GPC5: variants seen among roughly 807,000 people sequenced by gnomAD.
GPC5 encodes the protein glypican-5.
A neutral mutation model predicts 53.9 loss-of-function variants in GPC5; 47 were observed. That is an observed-to-expected ratio of 0.87 (90% CI 0.69 to 1.11). The LOEUF (loss-of-function observed/expected upper bound fraction) is 1.11, where lower values mean the gene tolerates loss of function less well. GPC5 is among the 50% of genes most tolerant of loss of function. The pLI is 0.00. For synonymous variants in GPC5, 286 were observed against 263.3 expected, an observed-to-expected ratio of 1.09 and a Z score of -0.84; for missense variants, 748 against 713.1, an observed-to-expected ratio of 1.05 and a Z score of -0.56.
Position 91,840,538 on chromosome 13 carries a change from C to T in GPC5, c.1281-67399C>T, listed in dbSNP as rs79742668. On this transcript the variant is annotated intron_variant, in intron 5 of 7. Coordinates refer to ENST00000377067, the MANE Select transcript of GPC5 (RefSeq NM_004466.6). ...AAAACCTTCTGAGAATAAAACAGGCCGATTGATTACACAAACAAAATATGA... is the reference window on the plus strand; with the variant it reads ...AAAACCTTCTGAGAATAAAACAGGCTGATTGATTACACAAACAAAATATGA... 7.0e-4 allele frequency among the ~76,000 whole-genome samples: 106 copies of T among 151,786 alleles called. 1 individual carries two copies. The East Asian group carries it at 0.019, about 28-fold the overall frequency.
intron 7 of GPC5, among the ~76,000 whole-genome samples, chr13:92,356,005 T>A (rs926085780): frequency 1.3e-5 from 2 of 151,644 alleles, no homozygotes; most frequent in African/African-American, 2.4e-5. Context: ...CTCTTTCCCA[T>A]CATCATTTCT....
intron 1 of GPC5, among the ~76,000 whole-genome samples, chr13:91,410,436 G>GCCAGGTT (rs1877646927): frequency 2.1e-5 from 3 of 141,488 alleles, no homozygotes; most frequent in South Asian, 4.6e-4. Context: ...AGCTCCGCCT[G>GCCAGGTT]CCAGGTTCGT....
intron 7 of GPC5, among the ~76,000 whole-genome samples, chr13:92,184,180 T>C (rs575351843): frequency 1.3e-5 from 2 of 152,116 alleles, no homozygotes; most frequent in Admixed American, 6.5e-5. Context: ...GCTTCCAGTA[T>C]GAGATACCAT....
Position 92,072,786 on chromosome 13 carries a change from G to C in GPC5, c.1402-72044G>C, listed in dbSNP as rs146655253. ...GGTGGGGTTTATGTTGGCCAGGCTG[G>C]TCTTGAATTCCTGCCCTGAAGCGAT... On this transcript the variant is annotated intron_variant, in intron 6 of 7. Transcript: ENST00000377067. 8.7e-3 allele frequency among the ~76,000 whole-genome samples: 1,314 copies of C among 151,578 alleles called. 24 individuals are homozygous for C. The highest frequency in any genetic ancestry group is 0.03 in the African/African-American group (1,246 of 41,312).
chr13:92,810,194 C>G (rs1877245227), intron 7 of GPC5, among the ~76,000 whole-genome samples: 1 of 150,206 alleles, frequency 6.7e-6, no homozygotes, highest in Non-Finnish European at 1.5e-5. Context: ...TAGGTAATCA[C>G]AAAGTTGTGC....
rs555404142 is a variant in GPC5, at chr13:92,845,151, C to A, written c.1562-21131C>A. ...ATCTATAAGGGAAAAAAAAAAGATG[C>A]TTTATATGTGATACATTTATTCTAT... On this transcript the variant is annotated intron_variant, in intron 7 of 7. Transcript: ENST00000377067. Among the ~76,000 whole-genome samples, 4 of 152,102 alleles carry A rather than the reference C, an allele frequency of 2.6e-5. No individual in the cohort carries two copies. The East Asian group carries it at 5.8e-4, about 22-fold the overall frequency.
intron 7 of GPC5, among the ~76,000 whole-genome samples, chr13:92,562,089 CTG>C (rs1242663844): frequency 9.9e-5 from 15 of 152,062 alleles, no homozygotes; most frequent in Non-Finnish European, 1.9e-4. Flanking sequence ...TCAGAAATAA[CTG>C]TAATTCCCCA....
In GPC5 at chr13:92,734,017, G is replaced by A. The variant is rs191436268; in HGVS notation, c.1562-132265G>A. Among the ~76,000 whole-genome samples the A allele has an allele frequency of 3.5e-3, 536 of 151,810 alleles. 4 individuals are homozygous for A. The highest frequency in any genetic ancestry group is 0.012 in the African/African-American group (497 of 41,474). On this transcript the variant is annotated intron_variant, in intron 7 of 7. Coordinates refer to ENST00000377067, the MANE Select transcript of GPC5 (RefSeq NM_004466.6). Reference sequence around the variant, plus strand: ...TTTAGATAGTGGCTGAGGCAGCAGGGGAAATCTGCTGAACTAATTGCTTTT... The same window carrying A: ...TTTAGATAGTGGCTGAGGCAGCAGGAGAAATCTGCTGAACTAATTGCTTTT...
chr13:92,191,315 T>A (rs1296449883), intron 7 of GPC5, among the ~76,000 whole-genome samples: 1 of 152,098 alleles, frequency 6.6e-6, no homozygotes, highest in African/African-American at 2.4e-5. Flanking sequence ...TTACAAATTT[T>A]AAAAAATGAG....
At chr13:91,928,511 C>T (rs1351250931) in intron 6 of GPC5, among the ~76,000 whole-genome samples, 1 of 152,140 alleles carries the variant, frequency 6.6e-6, no homozygotes, top group African/African-American at 2.4e-5. Context: ...GGGCAGCCAA[C>T]AATTGGTCAC....
At chr13:92,460,111 TCA>T (rs1878420717) in intron 7 of GPC5, among the ~76,000 whole-genome samples, 1 of 152,136 alleles carries the variant, frequency 6.6e-6, no homozygotes, top group Admixed American at 6.6e-5. Context: ...ATCTGGATTT[TCA>T]CACAGTCTCC....
chr13:91,671,589 A>G (rs1454299731), intron 2 of GPC5, among the ~76,000 whole-genome samples: 1 of 152,108 alleles, frequency 6.6e-6, no homozygotes, highest in African/African-American at 2.4e-5. Flanking sequence ...ACACAAACAA[A>G]TGGAAAAACC....
rs140012480 is a variant in GPC5, at chr13:91,399,139, A to G, written c.93A>G (p.Glu31=). The G allele has an allele frequency of 3.2e-5, 51 of 1,613,330 alleles. 1 individual carries two copies. In the African/African-American group the frequency reaches 5.9e-4, roughly 19 times the overall value. ...SARSEGVQTC[E]EVRKLFQWRL... The stretch of plus-strand genomic sequence containing the variant: ...GCAGCGAGGGCGTGCAGACCTGCGA[A>G]GAAGTTCGGAAACTTTTCCAGTGGC... Residue 31 remains glutamate, a synonymous_variant, in exon 1 of 8, where the codon GAA becomes GAG. Coordinates refer to ENST00000377067, the MANE Select transcript of GPC5 (RefSeq NM_004466.6).
At chr13:91,828,667 C>T (rs1594600763) in intron 5 of GPC5, among the ~76,000 whole-genome samples, 1 of 151,696 alleles carries the variant, frequency 6.6e-6, no homozygotes, top group African/African-American at 2.4e-5. Context: ...TGGAAAGCAC[C>T]CAGGGGCCAA....
intron 6 of GPC5, among the ~76,000 whole-genome samples, chr13:92,122,561 C>T (rs1206252593): frequency 6.6e-6 from 1 of 151,814 alleles, no homozygotes. Flanking sequence ...TCTCCAGCTT[C>T]TCAAAACTTC....
chr13:91,827,525 A>G (rs1368677262), intron 5 of GPC5, among the ~76,000 whole-genome samples: 1 of 152,034 alleles, frequency 6.6e-6, no homozygotes, highest in Non-Finnish European at 1.5e-5. Flanking sequence ...CTTAGATCAT[A>G]AAGGAAGATA....
In GPC5 at chr13:92,170,769, C is replaced by T. The variant is rs561226919; in HGVS notation, c.1561+25780C>T. ...TAGACTATTTAACTACCAACTTTCCCAAAACTTCGCATGTTCACAGTTTCT... is the reference window on the plus strand; with the variant it reads ...TAGACTATTTAACTACCAACTTTCCTAAAACTTCGCATGTTCACAGTTTCT... On this transcript the variant is annotated intron_variant, in intron 7 of 7. Transcript: ENST00000377067. 5.3e-5 allele frequency among the ~76,000 whole-genome samples: 8 copies of T among 152,140 alleles called. No individual in the cohort carries two copies. The South Asian group carries it at 1.7e-3, about 32-fold the overall frequency.
chr13:92,577,418 ATGTGTGTGTGTG>A (rs56162097), intron 7 of GPC5, among the ~76,000 whole-genome samples: 1 of 145,346 alleles, frequency 6.9e-6, no homozygotes, highest in Non-Finnish European at 1.5e-5. Flanking sequence ...ATGTATGTAT[ATGTGTGTGTGTG>A]TGTGTGTGTG....
intron 7 of GPC5, among the ~76,000 whole-genome samples, chr13:92,820,827 T>A (rs1482717418): frequency 6.6e-6 from 1 of 152,204 alleles, no homozygotes; most frequent in Non-Finnish European, 1.5e-5. Context: ...TTCTAAACAC[T>A]ATACATGTTA....
Sources: allele counts gnomAD v4.1 joint callset (sites outside exome capture counted in the v4.1 genomes callset), GRCh38; gene constraint gnomAD v4.1.1; transcripts MANE v1.5; gene names NCBI Gene and HGNC (gene_info 2026-07-23, HGNC 2026-07-21).